GPR153: variants seen among roughly 807,000 people sequenced by gnomAD.
The protein encoded by GPR153 is probable G protein-coupled receptor 153.
GPR153 carries 27 observed loss-of-function variants against 34.1 expected under a neutral mutation model. The observed-to-expected ratio is 0.79, with a 90% CI of 0.58 to 1.09. GPR153 has a LOEUF of 1.09. Among genes scored for constraint, GPR153 ranks in the 50% least tolerant of loss-of-function variants. The probability of loss-of-function intolerance (pLI) is 0.00; values close to 1 mark genes in which losing one functional copy is unlikely to be tolerated. For missense variants in GPR153, 848 were observed against 860.2 expected (o/e 0.99, Z 0.18); for synonymous variants, 408 against 405.4 (o/e 1.01, Z -0.08).
At chr1:6,260,598 G>A (rs1231883949) in intron 1 of GPR153, among the ~76,000 whole-genome samples, 1 of 151,708 alleles carries the variant, frequency 6.6e-6, no homozygotes, top group African/African-American at 2.4e-5. Flanking sequence ...AGCCCAGGGG[G>A]CGGCGCTGCT....
chr1:6,254,639 G>A lies in GPR153; in HGVS notation c.267C>T (p.Thr89=), dbSNP rs758281674. The stretch of plus-strand genomic sequence containing the variant: ...AGGTGGCCAGGGTGAGGGTGTAGAA[G>A]GTGGACACGAAGACCTTGCAGAGAC... ...NEGLCKVFVS[T]FYTLTLATCF... is the part of the protein sequence containing the mutation. Residue 89 remains threonine (T), a synonymous_variant, in exon 2 of 6, where the codon ACC becomes ACT. Coordinates refer to ENST00000377893, the MANE Select transcript of GPR153 (RefSeq NM_207370.4). 3.1e-6 allele frequency: 5 copies of A among 1,613,466 alleles called. No individual in the cohort carries two copies. The highest frequency in any genetic ancestry group is 1.1e-5 in the South Asian group (1 of 91,040).
At position 6,249,747 on chromosome 1, in the gene GPR153, C is replaced by T. The variant is rs1638395025; in HGVS notation, c.1421G>A (p.Gly474Glu). 3.7e-6 allele frequency: 4 copies of T among 1,091,004 alleles called. No individual in the cohort carries two copies. Among genetic ancestry groups the T allele is most frequent in the African/African-American group, 1.7e-5 (1 of 59,452 alleles). The allele number at this position is 1,091,004 out of a possible 1,614,324, so 67.6% of individuals were successfully genotyped here. ...RPSALDSGPRGARDSPPGSPR... is the reference protein window; with the variant it reads ...RPSALDSGPREARDSPPGSPR... Reference sequence around the variant, plus strand: ...GCTGCCGGGGGGCGAGTCGCGGGCTCCCCGCGGGCCGCTATCCAGGGCCGA... The same window carrying T: ...GCTGCCGGGGGGCGAGTCGCGGGCTTCCCGCGGGCCGCTATCCAGGGCCGA... Residue 474 changes from glycine to glutamate, a missense_variant, in exon 6 of 6, where the codon GGA (glycine) becomes GAA (glutamate). Transcript: ENST00000377893. This position sits in a 1 kb window ranked among gnomAD's most constrained non-coding sequence, Gnocchi z 4.3.
Position 6,249,587 on chromosome 1 carries a change from G to GGCGGGCGCA in GPR153, c.1572_1580dup (p.Ala527_Pro529dup). The stretch of plus-strand genomic sequence containing the variant: ...CTCCGGGATCTGCGCCGTCGGGGGC[G>GGCGGGCGCA]GCGGGCGCAGCGGGGAAGGGCCCGG... On this transcript the variant is annotated inframe_insertion, in exon 6 of 6. Transcript: ENST00000377893. This position sits in a 1 kb window ranked among gnomAD's most constrained non-coding sequence, Gnocchi z 4.3. 1 of 1,165,386 alleles carries GGCGGGCGCA rather than the reference G, an allele frequency of 8.6e-7. No individual in the cohort carries two copies. The highest frequency in any genetic ancestry group is 3.9e-5 in the East Asian group (1 of 25,500). The allele number at this position is 1,165,386 out of a possible 1,614,324, so 72.2% of individuals were successfully genotyped here. A position where few individuals can be genotyped will look rare whatever the true frequency, so the allele number is the denominator to read the frequency against.
chr1:6,254,190 A>G (rs1188237644), intron 2 of GPR153, 43 bp from the exon 3 acceptor site: 1 of 1,561,508 alleles, frequency 6.4e-7, no homozygotes, highest in Non-Finnish European at 8.7e-7. Flanking sequence ...GGCGTCACCC[A>G]CAGGGCCTCC....
At position 6,249,145 on chromosome 1, in the gene GPR153, G is replaced by T. The variant is rs1638369475; in HGVS notation, c.*193C>A. ...GGGACATGCGGTGCCCAGCGCAGTC[G>T]TCCGGGGCAGCCGTCGCCCCTGGGA... On this transcript the variant is annotated 3_prime_UTR_variant, in exon 6 of 6. Transcript: ENST00000377893. The surrounding 1 kb of genome is among the most constrained non-coding windows in gnomAD (Gnocchi z 4.3). 3 of 413,126 alleles carry T rather than the reference G, an allele frequency of 7.3e-6. No homozygotes were observed. Among genetic ancestry groups the T allele is most frequent in the Non-Finnish European group, 8.2e-6 (2 of 243,888 alleles). 25.6% of individuals were successfully genotyped at this position (413,126 alleles called of 1,614,324 possible).
intron 2 of GPR153, 99 bp downstream of exon 2, chr1:6,254,451 C>T (rs1638518402): frequency 1.8e-6 from 2 of 1,116,306 alleles, no homozygotes; most frequent in Non-Finnish European, 2.6e-6. Context: ...CAGCATGCCA[C>T]AGGTGTGGCC....
intron 1 of GPR153, among the ~76,000 whole-genome samples, chr1:6,256,375 C>CTT (rs70981378): frequency 5.4e-4 from 76 of 141,440 alleles, no homozygotes; most frequent in Admixed American, 1.1e-3. Flanking sequence ...TCTTTCTTTT[C>CTT]TTTTTTTTTT....
chr1:6,254,067 GCAGGCAGGGCCGA>G lies in GPR153; in HGVS notation c.424_436del (p.Ser142ProfsTer43). On this transcript the variant is annotated frameshift_variant, in exon 3 of 6. Transcript: ENST00000377893. LOFTEE classifies it high-confidence loss of function. Reference sequence around the variant, plus strand: ...CTCGCTGGTGTCGTGCCAGCCAACGGCAGGCAGGGCCGACAGGATGAAGGACACCATCCAGATA... The same window carrying G: ...CTCGCTGGTGTCGTGCCAGCCAACGGCAGGATGAAGGACACCATCCAGATA... 1 of 1,613,574 alleles carries G rather than the reference GCAGGCAGGGCCGA, an allele frequency of 6.2e-7. No individual in the cohort carries two copies. Among genetic ancestry groups the G allele is most frequent in the Non-Finnish European group, 8.5e-7 (1 of 1,180,000 alleles).
chr1:6,259,018 G>A (rs1299588350), intron 1 of GPR153, among the ~76,000 whole-genome samples: 5 of 152,200 alleles, frequency 3.3e-5, no homozygotes, highest in South Asian at 4.1e-4. Context: ...CCTAGCACTC[G>A]GGGAGGCCAA....
At position 6,254,028 on chromosome 1, in the gene GPR153, T is replaced by C; in HGVS notation, c.476A>G (p.His159Arg). ...CTCAGCCACGATGAAGCGGCAGCCA[T>C]GGGTGTAGAAGCGCTCGCTGGTGTC... ...WHDTSERFYT[H>R]GCRFIVAEIG... The change falls in exon 3 of 6, where the codon CAT becomes CGT. Residue 159 changes from histidine to arginine, a missense_variant. Coordinates refer to ENST00000377893, the MANE Select transcript of GPR153 (RefSeq NM_207370.4). 1.9e-6 allele frequency: 3 copies of C among 1,613,410 alleles called. No individual in the cohort carries two copies. Among genetic ancestry groups the C allele is most frequent in the Non-Finnish European group, 1.7e-6 (2 of 1,179,986 alleles).
intron 1 of GPR153, among the ~76,000 whole-genome samples, chr1:6,255,929 G>A (rs1638561415): frequency 6.6e-6 from 1 of 152,126 alleles, no homozygotes; most frequent in Non-Finnish European, 1.5e-5. Context: ...TGGGATTATA[G>A]GTGTGAGCCC....
At chr1:6,260,367 G>T in intron 1 of GPR153, among the ~76,000 whole-genome samples, 1 of 107,692 alleles carries the variant, frequency 9.3e-6, no homozygotes, top group African/African-American at 4.4e-5. Flanking sequence ...CAACCCCCTG[G>T]GGCTCCGATC....
rs761011234 is a variant in GPR153, at chr1:6,251,404, C to T, written c.913G>A (p.Ala305Thr). The change falls in exon 4 of 6, where the codon GCT becomes ACT. Residue 305 changes from alanine to threonine, a missense_variant. Coordinates refer to ENST00000377893, the MANE Select transcript of GPR153 (RefSeq NM_207370.4). The surrounding 1 kb of genome is among the most constrained non-coding windows in gnomAD (Gnocchi z 4.9). ...VFLWACDRYRADLKAVREKCM... is the reference protein window; with the variant it reads ...VFLWACDRYRTDLKAVREKCM... ...TTCTCCCGGACAGCTTTGAGGTCAG[C>T]CCGGTAGCGGTCGCAGGCCCAGAGG... 33 of 1,613,488 alleles carry T rather than the reference C, an allele frequency of 2.0e-5. No individual in the cohort carries two copies. The highest frequency in any genetic ancestry group is 9.3e-5 in the African/African-American group (7 of 74,938).
intron 3 of GPR153, 54 bp downstream of exon 3, chr1:6,253,664 G>C: frequency 1.4e-6 from 2 of 1,453,724 alleles, no homozygotes; most frequent in Non-Finnish European, 1.8e-6. Flanking sequence ...TGGAGTATGA[G>C]CAGCCCCAGG....
In GPR153 at chr1:6,251,192, G is replaced by A; in HGVS notation, c.979+146C>T. ...TGGCTTAGGTCCCTTGGACATTCAAGTACATTTGGGGGTGACACGGGGTGT... is the reference window on the plus strand; with the variant it reads ...TGGCTTAGGTCCCTTGGACATTCAAATACATTTGGGGGTGACACGGGGTGT... On this transcript the variant is annotated intron_variant, in intron 4 of 5. Coordinates refer to ENST00000377893, the MANE Select transcript of GPR153 (RefSeq NM_207370.4). The surrounding 1 kb of genome is among the most constrained non-coding windows in gnomAD (Gnocchi z 4.9). 1.4e-6 allele frequency: 1 copy of A among 689,848 alleles called. No homozygotes were observed. Among genetic ancestry groups the A allele is most frequent in the South Asian group, 1.9e-5 (1 of 53,494 alleles). 42.7% of individuals were successfully genotyped at this position (689,848 alleles called of 1,614,324 possible). A position where few individuals can be genotyped will look rare whatever the true frequency, so the allele number is the denominator to read the frequency against.
At position 6,255,642 on chromosome 1, in the gene GPR153, G is replaced by GTTTTTTTTT. The variant is rs59403526; in HGVS notation, c.-109-637_-109-629dup. Among the ~76,000 whole-genome samples, 40 of 38,842 alleles carry GTTTTTTTTT rather than the reference G, an allele frequency of 1.0e-3. 7 individuals carry two copies. The highest frequency in any genetic ancestry group is 3.7e-3 in the African/African-American group (38 of 10,406). The allele number at this position is 38,842 out of a possible 152,430, so 25.5% of individuals were successfully genotyped here. On this transcript the variant is annotated intron_variant, in intron 1 of 5. Transcript: ENST00000377893. Reference sequence around the variant, plus strand: ...GGCCTGCACCACTATGCCTGGCTACGTTTTTTTTTTTTTTTTTTTTTTTTT... The same window carrying GTTTTTTTTT: ...GGCCTGCACCACTATGCCTGGCTACGTTTTTTTTTTTTTTTTTTTTTTTTTTTTTTTTTT...
intron 1 of GPR153, among the ~76,000 whole-genome samples, chr1:6,260,348 C>A (rs1417141255): frequency 6.9e-6 from 1 of 144,756 alleles, no homozygotes; most frequent in Non-Finnish European, 1.5e-5. Flanking sequence ...GCCCCCGCCC[C>A]TACAGTCCCA....
At position 6,253,741 on chromosome 1, in the gene GPR153, A is replaced by C; in HGVS notation, c.763T>G (p.Cys255Gly). The C allele has an allele frequency of 1.3e-6, 2 of 1,525,054 alleles. No homozygotes were observed. The highest frequency in any genetic ancestry group is 1.8e-6 in the Non-Finnish European group (2 of 1,136,154). The allele number at this position is 1,525,054 out of a possible 1,614,324, so 94.5% of individuals were successfully genotyped here. The change falls in exon 3 of 6, where the codon TGC (cysteine) becomes GGC (glycine). Residue 255 changes from cysteine to glycine, a missense_variant. Transcript: ENST00000377893. ...LVTTIVFIYD[C>G]LMGFPVLVVS... ...ACCAGCACAGGGAAGCCCATGAGGC[A>C]GTCGTAGATGAAGACTATGGTGGTC... is the stretch of plus-strand genomic sequence containing the variant.
At position 6,249,375 on chromosome 1, in the gene GPR153, G is replaced by A. The variant is rs865806928; in HGVS notation, c.1793C>T (p.Ala598Val). The change falls in exon 6 of 6, where the codon GCC (alanine) becomes GTC (valine). Residue 598 changes from alanine (A) to valine (V), a missense_variant. Coordinates refer to ENST00000377893, the MANE Select transcript of GPR153 (RefSeq NM_207370.4). The surrounding 1 kb of genome is among the most constrained non-coding windows in gnomAD (Gnocchi z 4.3). ...GCCCAGCGAGTCCGAGTGCAGCGTG[G>A]CGTAGCCCGAGGACTCGGAGGGGGA... ...LSSPSESSGY[A>V]TLHSDSLGSA... is the part of the protein sequence containing the mutation. 7.4e-7 allele frequency: 1 copy of A among 1,359,738 alleles called. No individual in the cohort carries two copies. Among genetic ancestry groups the A allele is most frequent in the African/African-American group, 1.5e-5 (1 of 65,870 alleles). 84.2% of individuals were successfully genotyped at this position (1,359,738 alleles called of 1,614,324 possible).
Sources: gnomAD v4.1 joint callset for allele counts (sites outside exome capture counted in the v4.1 genomes callset) on GRCh38, gnomAD v4.1.1 for gene constraint, Gnocchi (gnomAD v3.1) non-coding constraint, MANE v1.5 for transcripts, NCBI Gene and HGNC (gene_info 2026-07-23, HGNC 2026-07-21) for gene names.